The following KIAA1671 variants were observed in gnomAD, a reference collection of about 807,000 sequenced individuals.
KIAA1671 encodes uncharacterized protein KIAA1671.
Under a neutral mutation model 131.2 loss-of-function variants are expected in KIAA1671, and 52 were observed. The ratio of observed to expected loss-of-function variants is 0.40; its 90% CI spans 0.32 to 0.50. The LOEUF is 0.50. Among genes scored for constraint, KIAA1671 ranks in the 20% least tolerant of loss-of-function variants. KIAA1671 has a pLI of 0.73. For missense variants in KIAA1671, 2,360 were observed against 2,364.2 expected, an observed-to-expected ratio of 1.00 and a Z score of 0.04; for synonymous variants, 1,003 against 961.6, an observed-to-expected ratio of 1.04 and a Z score of -0.80.
At position 25,190,798 on chromosome 22, in the gene KIAA1671, C is replaced by G. The variant is rs1400992960; in HGVS notation, c.*4+14C>G. 1 of 1,531,602 alleles carries G rather than the reference C, an allele frequency of 6.5e-7. No individual in the cohort carries two copies. Among genetic ancestry groups the G allele is most frequent in the East Asian group, 2.5e-5 (1 of 40,814 alleles). 94.9% of individuals were successfully genotyped at this position (1,531,602 alleles called of 1,614,324 possible). On this transcript the variant is annotated intron_variant, in intron 12 of 12. Coordinates refer to ENST00000358431, the MANE Select transcript of KIAA1671 (RefSeq NM_001145206.2). ...AAGTTTGACCAGGTATGAAGGGGCT[C>G]TGTTGGGGAACCTGGGAAGAGCCCT...
At chr22:25,182,220 T>A (rs7284703) in intron 10 of KIAA1671, among the ~76,000 whole-genome samples, 5 of 151,316 alleles carry the variant, frequency 3.3e-5, no homozygotes, top group Middle Eastern at 3.4e-3. Context: ...CCTTCCGTCC[T>A]TCCTTCCTTT....
At chr22:25,107,346 G>A (rs1414845674) in intron 6 of KIAA1671, among the ~76,000 whole-genome samples, 2 of 152,122 alleles carry the variant, frequency 1.3e-5, no homozygotes, top group African/African-American at 4.8e-5. Context: ...GAACCCAGGA[G>A]GCGGAGTTTG....
chr22:25,163,697 C>T (rs1231400841), intron 6 of KIAA1671, among the ~76,000 whole-genome samples: 1 of 151,820 alleles, frequency 6.6e-6, no homozygotes, highest in Admixed American at 6.6e-5. Context: ...CTCGGCCTCC[C>T]AAAGTGCTGG....
chr22:25,017,124 T>A (rs1925370689), intron 1 of KIAA1671, among the ~76,000 whole-genome samples: 1 of 152,172 alleles, frequency 6.6e-6, no homozygotes, highest in Non-Finnish European at 1.5e-5. Flanking sequence ...GGCTCATGCC[T>A]GTAATCCCAG....
chr22:25,094,606 C>T (rs962127918), intron 6 of KIAA1671, among the ~76,000 whole-genome samples: 5 of 152,172 alleles, frequency 3.3e-5, no homozygotes, highest in Non-Finnish European at 5.9e-5. Context: ...CTCCAGCAGC[C>T]TCTCCAGGCC....
At chr22:24,960,763 G>T (rs1400524369) in intron 1 of KIAA1671, among the ~76,000 whole-genome samples, 1 of 143,466 alleles carries the variant, frequency 7.0e-6, no homozygotes, top group South Asian at 2.3e-4. Context: ...TTTCCAGGAT[G>T]TGGAACTTTA....
At chr22:24,999,807 C>G (rs1924341523) in intron 1 of KIAA1671, among the ~76,000 whole-genome samples, 1 of 151,534 alleles carries the variant, frequency 6.6e-6, no homozygotes, top group Non-Finnish European at 1.5e-5. Flanking sequence ...AAGCGATCCT[C>G]TCTCAGCCTC....
At chr22:25,030,174 A>G (rs1361824116) in intron 3 of KIAA1671, among the ~76,000 whole-genome samples, 1 of 152,212 alleles carries the variant, frequency 6.6e-6, no homozygotes, top group Non-Finnish European at 1.5e-5. Flanking sequence ...CGATGTTCTA[A>G]GTCAGCTGGT....
Position 25,126,396 on chromosome 22 carries a change from G to A in KIAA1671, c.4531-44424G>A, listed in dbSNP as rs1321876098. ...GATGAGGGTTGGATGTGGCAGCCAC[G>A]TTGCAGACATCTTGGCAGGAAAAAC... is the stretch of plus-strand genomic sequence containing the variant. On this transcript the variant is annotated intron_variant, in intron 6 of 12. Coordinates refer to ENST00000358431, the MANE Select transcript of KIAA1671 (RefSeq NM_001145206.2). 6.6e-5 allele frequency among the ~76,000 whole-genome samples: 10 copies of A among 152,322 alleles called. No homozygotes were observed. The South Asian group carries it at 1.5e-3, about 22-fold the overall frequency.
intron 1 of KIAA1671, chr22:25,014,184 T>C (rs1925187195): frequency 6.6e-6 from 1 of 152,222 alleles, no homozygotes; most frequent in South Asian, 2.1e-4. Context: ...TTATCTAATA[T>C]TTATATAATG....
chr22:25,146,470 G>A (rs1413194355), intron 6 of KIAA1671, among the ~76,000 whole-genome samples: 1 of 152,170 alleles, frequency 6.6e-6, no homozygotes, highest in Non-Finnish European at 1.5e-5. Flanking sequence ...GAAAACATCT[G>A]AACAATAGCA....
chr22:25,013,964 T>G (rs1380833809), intron 1 of KIAA1671: 1 of 152,212 alleles, frequency 6.6e-6, no homozygotes, highest in Non-Finnish European at 1.5e-5. Flanking sequence ...AAGCTTTGAA[T>G]TGAGTCACCA....
chr22:25,051,253 G>A (rs945855803), intron 6 of KIAA1671: 7 of 152,280 alleles, frequency 4.6e-5, no homozygotes, highest in African/African-American at 1.7e-4. Flanking sequence ...AGGAGGTGGT[G>A]TTCAGCTCCT....
Position 24,952,880 on chromosome 22 carries a change from T to C in KIAA1671, c.-208+108T>C, listed in dbSNP as rs1266857421. The C allele has an allele frequency of 4.6e-5, 7 of 152,024 alleles. No homozygotes were observed. The highest frequency in any genetic ancestry group is 4.6e-4 in the Admixed American group (7 of 15,284). The allele number at this position is 152,024 out of a possible 1,614,324, so 9.4% of individuals were successfully genotyped here. On this transcript the variant is annotated intron_variant, in intron 1 of 12. Coordinates refer to ENST00000358431, the MANE Select transcript of KIAA1671 (RefSeq NM_001145206.2). This position sits in a 1 kb window ranked among gnomAD's most constrained non-coding sequence, Gnocchi z 4.5. ...CGGCTGGCGAGGGCCGCCAAGTTTC[T>C]GCCCGGCCGAGGCCCCGGGAGAAAA...
At position 25,039,008 on chromosome 22, in the gene KIAA1671, C is replaced by A. The variant is rs910955887; in HGVS notation, c.1878C>A (p.Asp626Glu). 1 of 1,551,726 alleles carries A rather than the reference C, an allele frequency of 6.4e-7. No individual in the cohort carries two copies. Among genetic ancestry groups the A allele is most frequent in the Non-Finnish European group, 8.7e-7 (1 of 1,147,020 alleles). ...EHHVERHTVADQSGRCLSTTP... is the reference protein window; with the variant it reads ...EHHVERHTVAEQSGRCLSTTP... ...ACGTGGAGAGACACACAGTGGCTGACCAGTCGGGACGTTGTCTCTCCACCA... is the reference window on the plus strand; with the variant it reads ...ACGTGGAGAGACACACAGTGGCTGAACAGTCGGGACGTTGTCTCTCCACCA... Residue 626 changes from aspartate (D) to glutamate (E), a missense_variant, in exon 5 of 13, where the codon GAC becomes GAA. Asp to Glu is a conservative substitution (Grantham distance 45, BLOSUM62 2). Transcript: ENST00000358431.
chr22:25,165,221 T>C (rs1006724994), intron 6 of KIAA1671, among the ~76,000 whole-genome samples: 1 of 152,202 alleles, frequency 6.6e-6, no homozygotes, highest in Non-Finnish European at 1.5e-5. Flanking sequence ...TAGGTAACCC[T>C]AGCCCCTGCA....
At chr22:25,007,208 C>T (rs1029136247) in intron 1 of KIAA1671, among the ~76,000 whole-genome samples, 2 of 152,168 alleles carry the variant, frequency 1.3e-5, no homozygotes, top group East Asian at 3.8e-4. Flanking sequence ...CTAGTGTTAG[C>T]CAGGTGCGGT....
intron 6 of KIAA1671, among the ~76,000 whole-genome samples, chr22:25,165,584 CTTAGTA>C (rs1281732253): frequency 1.3e-5 from 2 of 152,084 alleles, no homozygotes; most frequent in African/African-American, 4.8e-5. Flanking sequence ...GAACTGAATT[CTTAGTA>C]TTAGTTAATG....
chr22:25,171,598 C>T (rs1211742084), intron 7 of KIAA1671, among the ~76,000 whole-genome samples: 2 of 152,006 alleles, frequency 1.3e-5, no homozygotes, highest in African/African-American at 2.4e-5. Flanking sequence ...ACCTGTGATG[C>T]CAACTGCTCA....
Sources: allele counts gnomAD v4.1 joint callset (sites outside exome capture counted in the v4.1 genomes callset), GRCh38; gene constraint gnomAD v4.1.1; non-coding constraint Gnocchi (gnomAD v3.1); transcripts MANE v1.5; gene names NCBI Gene and HGNC (gene_info 2026-07-23, HGNC 2026-07-21).